Variants in CTSH observed in about 807,000 individuals in gnomAD.
The protein encoded by CTSH is cathepsin H, also known as pro-cathepsin H.
Under a neutral mutation model 56.3 loss-of-function variants are expected in CTSH, and 52 were observed. That is an observed-to-expected ratio of 0.92 (90% CI 0.74 to 1.16). The LOEUF is 1.16. Ranked by LOEUF, CTSH falls within the 50% of genes most tolerant of loss-of-function variation. The pLI is 0.00. For synonymous variants in CTSH, 174 were observed against 155.7 expected, an observed-to-expected ratio of 1.12 and a Z score of -0.88; for missense variants, 406 against 424.5, an observed-to-expected ratio of 0.96 and a Z score of 0.38.
At chr15:78,925,636 C>G (rs1596270434) in intron 9 of CTSH, 196 bp from the exon 10 acceptor site, 1 of 524,342 alleles carries the variant, frequency 1.9e-6, no homozygotes, top group East Asian at 3.4e-5. Context: ...CTCCCCAACT[C>G]TGCTCCTAGG....
At chr15:78,924,821 C>T (rs545993987) in intron 10 of CTSH, among the ~76,000 whole-genome samples, 35 of 149,840 alleles carry the variant, frequency 2.3e-4, no homozygotes, top group South Asian at 8.5e-4. Context: ...TCCCGAGTAG[C>T]TGGGATTATA....
rs372283224 is a variant in CTSH at position 78,935,045 on chromosome 15, G to A, written c.338C>T (p.Thr113Ile). Residue 113 changes from threonine (T) to isoleucine (I), a missense_variant, in exon 5 of 12, where the codon ACT (threonine) becomes ATT (isoleucine). Coordinates refer to ENST00000220166, the MANE Select transcript of CTSH (RefSeq NM_004390.5). ...GTCCACGGAAGGTGGGTAGGGACCA[G>A]TACCTCGAAGGTAGTTACTTTTGGT... ...SATKSNYLRGTGPYPPSVDWR... is the reference protein window; with the variant it reads ...SATKSNYLRGIGPYPPSVDWR... 1.9e-6 allele frequency: 3 copies of A among 1,614,120 alleles called. No individual in the cohort carries two copies. The highest frequency in any genetic ancestry group is 2.5e-6 in the Non-Finnish European group (3 of 1,179,966).
At chr15:78,923,698 C>T (rs1207116308) in intron 10 of CTSH, among the ~76,000 whole-genome samples, 3 of 152,208 alleles carry the variant, frequency 2.0e-5, no homozygotes, top group Non-Finnish European at 4.4e-5. Flanking sequence ...AAGGAGAGAG[C>T]CACCTTCCTG....
intron 7 of CTSH, among the ~76,000 whole-genome samples, chr15:78,930,483 C>T (rs566257665): frequency 1.3e-5 from 2 of 151,586 alleles, no homozygotes; most frequent in African/African-American, 2.4e-5. Context: ...GCTGAGATCG[C>T]GCCACTGCAC....
intron 11 of CTSH, among the ~76,000 whole-genome samples, chr15:78,922,413 A>G (rs557979732): frequency 6.6e-6 from 1 of 152,302 alleles, no homozygotes; most frequent in South Asian, 2.1e-4. Flanking sequence ...TAGCTGCCAA[A>G]TGAATGATCC....
At chr15:78,937,658 G>C in intron 2 of CTSH, 1 of 1,387,946 alleles carries the variant, frequency 7.2e-7, no homozygotes, top group Non-Finnish European at 9.5e-7. Flanking sequence ...AAGTCAGAAT[G>C]TGGTCCAAGA....
rs1026679559 is a variant in CTSH, at chr15:78,921,902, A to G, written c.*228T>C. Reference sequence around the variant, plus strand: ...GTCCATGTGGTTTGAGTCTGTTAAGAAGGACACTAAGGCACATGGCTGGTG... The same window carrying G: ...GTCCATGTGGTTTGAGTCTGTTAAGGAGGACACTAAGGCACATGGCTGGTG... On this transcript the variant is annotated 3_prime_UTR_variant, in exon 12 of 12. Transcript: ENST00000220166. 1.4e-5 allele frequency: 8 copies of G among 566,966 alleles called. No homozygotes were observed. Among genetic ancestry groups the G allele is most frequent in the Admixed American group, 3.1e-5 (1 of 32,446 alleles). 35.1% of individuals were successfully genotyped at this position (566,966 alleles called of 1,614,324 possible). A position where few individuals can be genotyped will look rare whatever the true frequency, so the allele number is the denominator to read the frequency against.
chr15:78,931,824 G>A (rs1177499930), intron 6 of CTSH: 1 of 1,306,996 alleles, frequency 7.7e-7, no homozygotes, highest in Non-Finnish European at 9.8e-7. Flanking sequence ...CCACAGCGGT[G>A]TATAGGATGG....
intron 11 of CTSH, 136 bp from the exon 12 acceptor site, chr15:78,922,341 C>T: frequency 1.4e-6 from 1 of 689,906 alleles, no homozygotes; most frequent in Non-Finnish European, 2.5e-6. Flanking sequence ...TAGCATTCGG[C>T]TTATTTGATC....
At chr15:78,935,583 A>G (rs934014188) in intron 4 of CTSH, 97 bp downstream of exon 4, 4 of 1,001,884 alleles carry the variant, frequency 4.0e-6, no homozygotes, top group African/African-American at 3.2e-5. Flanking sequence ...GCATCTGGGG[A>G]TGGGACTGAA....
Position 78,939,070 on chromosome 15 carries a change from G to C in CTSH, c.123+70C>G. 3 of 1,370,896 alleles carry C rather than the reference G, an allele frequency of 2.2e-6. No homozygotes were observed. The South Asian group carries it at 3.8e-5, about 17-fold the overall frequency. The allele number at this position is 1,370,896 out of a possible 1,614,324, so 84.9% of individuals were successfully genotyped here. A position where few individuals can be genotyped will look rare whatever the true frequency, so the allele number is the denominator to read the frequency against. On this transcript the variant is annotated intron_variant, in intron 2 of 11. Coordinates refer to ENST00000220166, the MANE Select transcript of CTSH (RefSeq NM_004390.5). ...CCCTTTTTCATTGTCTCAAATCTGG[G>C]ACAGTTTGGTTTGATAACAGGAAAC...
chr15:78,924,080 G>A (rs2054838197), intron 10 of CTSH, among the ~76,000 whole-genome samples: 1 of 133,016 alleles, frequency 7.5e-6, no homozygotes, highest in Non-Finnish European at 1.6e-5. Context: ...CAGGAGGTGG[G>A]GGGGATCCAA....
Position 78,932,441 on chromosome 15 carries a change from G to A in CTSH, c.423C>T (p.Cys141=), listed in dbSNP as rs1033300744. ...GGGCCCCAGTGGTGGAGAAAGTCCA[G>A]CAACTGCCGCAGGCACCCTGGAAAG... ...PVKNQGACGS[C]WTFSTTGALE... is the part of the protein sequence containing the mutation. The change falls in exon 6 of 12, where the codon TGC becomes TGT. Residue 141 remains cysteine (C), a synonymous_variant. Coordinates refer to ENST00000220166, the MANE Select transcript of CTSH (RefSeq NM_004390.5). The A allele has an allele frequency of 1.9e-6, 3 of 1,613,848 alleles. No homozygotes were observed. Among genetic ancestry groups the A allele is most frequent in the African/African-American group, 2.7e-5 (2 of 74,916 alleles).
intron 5 of CTSH, among the ~76,000 whole-genome samples, chr15:78,934,256 C>T (rs559979655): frequency 6.6e-6 from 1 of 152,212 alleles, no homozygotes; most frequent in Admixed American, 6.5e-5. Context: ...TGGAGAATTT[C>T]GATGGAAAGC....
In CTSH at chr15:78,929,493, C is replaced by A. The variant is rs746828205; in HGVS notation, c.549G>T (p.Gly183=). ...AQDFNNHGCQ[G]GLPSQAFEYI... is the part of the protein sequence containing the mutation. ...ACTCGAAAGCCTGGCTGGGGAGACC[C>A]CTGCAAGAAGTACACACAGGTGAGC... is the stretch of plus-strand genomic sequence containing the variant. Residue 183 remains glycine, a splice_region_variant and synonymous_variant, in exon 8 of 12, where the codon GGG becomes GGT. Coordinates refer to ENST00000220166, the MANE Select transcript of CTSH (RefSeq NM_004390.5). The A allele has an allele frequency of 1.9e-6, 3 of 1,608,524 alleles. No homozygotes were observed. In the East Asian group the frequency reaches 6.7e-5, roughly 36 times the overall value.
chr15:78,923,941 G>A (rs188953732), intron 10 of CTSH, among the ~76,000 whole-genome samples: 4 of 152,300 alleles, frequency 2.6e-5, no homozygotes, highest in Non-Finnish European at 5.9e-5. Flanking sequence ...GCCAGGGCCA[G>A]GTGCCGGGAT....
chr15:78,935,035 G>GT lies in CTSH; in HGVS notation c.347dup (p.Tyr116Ter), dbSNP rs758441356. 1 of 1,614,172 alleles carries GT rather than the reference G, an allele frequency of 6.2e-7. No homozygotes were observed. The highest frequency in any genetic ancestry group is 1.7e-5 in the Admixed American group (1 of 60,028). The change falls in exon 5 of 12, where the codon TAC (tyrosine) becomes TAAC (stop). Residue 116 changes from tyrosine (Y) to a stop codon, truncating the protein, a stop_gained and frameshift_variant. Coordinates refer to ENST00000220166, the MANE Select transcript of CTSH (RefSeq NM_004390.5). LOFTEE classifies it high-confidence loss of function. ...KSNYLRGTGPYPPSVDWRKKG... is the reference protein window; with the variant it reads ...KSNYLRGTGP ...TTTTCCGCCAGTCCACGGAAGGTGG[G>GT]TAGGGACCAGTACCTCGAAGGTAGT...
intron 2 of CTSH, among the ~76,000 whole-genome samples, chr15:78,938,362 C>T (rs1033546862): frequency 6.7e-6 from 1 of 148,668 alleles, no homozygotes; most frequent in African/African-American, 2.5e-5. Flanking sequence ...AAGTGAGACT[C>T]TGTCTCAAAA....
chr15:78,944,652 G>C (rs2055357805), intron 1 of CTSH: 1 of 628,486 alleles, frequency 1.6e-6, no homozygotes, highest in South Asian at 3.7e-5. Flanking sequence ...ACCTGGCTAG[G>C]TGGGACCCTG....
Sources: gnomAD v4.1 joint callset for allele counts (sites outside exome capture counted in the v4.1 genomes callset) on GRCh38, gnomAD v4.1.1 for gene constraint, MANE v1.5 for transcripts, NCBI Gene and HGNC (gene_info 2026-07-23, HGNC 2026-07-21) for gene names.